The following CPEB2 variants were observed in gnomAD, a reference collection of about 807,000 sequenced individuals.
CPEB2 encodes the protein cytoplasmic polyadenylation element binding protein 2.
A neutral mutation model predicts 93.6 loss-of-function variants in CPEB2; 56 were observed. The observed-to-expected ratio is 0.60, with a 90% CI of 0.48 to 0.75. The LOEUF is 0.75. Among genes scored for constraint, CPEB2 ranks in the 30% least tolerant of loss-of-function variants. The probability of loss-of-function intolerance (pLI) is 0.00; values close to 1 mark genes in which losing one functional copy is unlikely to be tolerated. For synonymous variants in CPEB2, 764 were observed against 586.3 expected, an observed-to-expected ratio of 1.30 and a Z score of -4.38; for missense variants, 1,579 against 1,395.1, an observed-to-expected ratio of 1.13 and a Z score of -2.10.
rs1267268622 is a variant in CPEB2 at position 15,003,995 on chromosome 4, C to T, written c.1322C>T (p.Pro441Leu). Residue 441 changes from proline to leucine, a missense_variant, in exon 1 of 12, where the codon CCC (proline) becomes CTC (leucine). This residue lies in a region of CPEB2 where 1,411 missense variants were observed against 1,056.0 expected (regional missense o/e 1.34). Coordinates refer to ENST00000538197, the MANE Select transcript of CPEB2 (RefSeq NM_001177382.2). ...GGCTCGCTCAGCGCCATGCCGCCGC[C>T]CAGCCCCGACTCAGAGAACGGCTTC... Reference protein sequence around the residue: ...SGGSLSAMPPPSPDSENGFYP... With the variant: ...SGGSLSAMPPLSPDSENGFYP... 1 of 1,536,014 alleles carries T rather than the reference C, an allele frequency of 6.5e-7. No individual in the cohort carries two copies. Among genetic ancestry groups the T allele is most frequent in the Non-Finnish European group, 8.7e-7 (1 of 1,144,430 alleles).
intron 4 of CPEB2, among the ~76,000 whole-genome samples, chr4:15,031,116 T>C (rs930782094): frequency 1.3e-5 from 2 of 152,140 alleles, no homozygotes; most frequent in Non-Finnish European, 2.9e-5. Flanking sequence ...TAGCATATTT[T>C]ATTGAAATTG....
intron 4 of CPEB2, among the ~76,000 whole-genome samples, chr4:15,023,400 A>G (rs1725018159): frequency 6.6e-6 from 1 of 151,786 alleles, no homozygotes; most frequent in African/African-American, 2.4e-5. Context: ...TCCTGTTACA[A>G]AAAAAATAGT....
chr4:15,005,368 G>A (rs950038238), intron 1 of CPEB2, among the ~76,000 whole-genome samples: 5 of 152,212 alleles, frequency 3.3e-5, no homozygotes, highest in African/African-American at 1.2e-4. Context: ...TGGGCCGTGT[G>A]TATTTTAAGT....
intron 1 of CPEB2, chr4:15,005,069 C>G (rs920845624): frequency 2.0e-5 from 3 of 152,180 alleles, no homozygotes; most frequent in Non-Finnish European, 4.4e-5. Flanking sequence ...CCTGGGCCGC[C>G]GGCCCAGGAG....
chr4:15,054,260 A>C, intron 8 of CPEB2, 43 bp downstream of exon 8: 5 of 1,387,846 alleles, frequency 3.6e-6, no homozygotes, highest in Non-Finnish European at 5.1e-6. Flanking sequence ...AATTGGTTGT[A>C]TGAGAGCAAA....
intron 6 of CPEB2, among the ~76,000 whole-genome samples, chr4:15,041,411 T>C (rs149334267): frequency 0.013 from 1,908 of 152,194 alleles, 15 homozygotes; most frequent in Non-Finnish European, 0.02. Flanking sequence ...ATCACTTTTT[T>C]TTTTTTTTGA....
intron 3 of CPEB2, among the ~76,000 whole-genome samples, chr4:15,016,168 T>C (rs555935254): frequency 6.6e-6 from 1 of 152,134 alleles, no homozygotes; most frequent in African/African-American, 2.4e-5. Flanking sequence ...TGACAGTCAT[T>C]TTTTGAGAGT....
rs1335177127 is a variant in CPEB2 at position 15,008,345 on chromosome 4, C to T, written c.1952C>T (p.Ser651Phe). 6.2e-7 allele frequency: 1 copy of T among 1,612,758 alleles called. No homozygotes were observed. The highest frequency in any genetic ancestry group is 1.7e-5 in the Admixed American group (1 of 59,996). Residue 651 changes from serine to phenylalanine, a missense_variant, in exon 3 of 12, where the codon TCT (serine) becomes TTT (phenylalanine). By Grantham distance (155) the Ser-to-Phe change is radical. Transcript: ENST00000538197. ...SNTLLPLQVR[S>F]SLQLPAWGSD... ...ACTTCTATGCTATTGAAGGTGAGAT[C>T]TAGTTTGCAGTTGCCAGCTTGGGGC... is the stretch of plus-strand genomic sequence containing the variant.
intron 6 of CPEB2, among the ~76,000 whole-genome samples, chr4:15,041,369 T>G (rs891081955): frequency 2.0e-5 from 3 of 152,018 alleles, no homozygotes; most frequent in African/African-American, 7.3e-5. Flanking sequence ...CCTTAAGCCA[T>G]AGAGGATAGA....
chr4:15,034,158 G>A (rs1726383390), intron 5 of CPEB2, among the ~76,000 whole-genome samples: 2 of 152,110 alleles, frequency 1.3e-5, no homozygotes, highest in South Asian at 4.1e-4. Flanking sequence ...CATTAGATGA[G>A]GTGATTGATT....
At chr4:15,010,903 A>G (rs1382694207) in intron 3 of CPEB2, among the ~76,000 whole-genome samples, 1 of 152,168 alleles carries the variant, frequency 6.6e-6, no homozygotes, top group Admixed American at 6.5e-5. Context: ...TCAATAAATA[A>G]GAAAGAGCTA....
At position 15,003,682 on chromosome 4, in the gene CPEB2, G is replaced by A. The variant is rs1415948061; in HGVS notation, c.1009G>A (p.Gly337Ser). ...CCTGCCCGGAGGTGCGCTTGGCGCG[G>A]GCGCCTTCAGCAGCCTGCAGAGCCC... ...NLLPGGALGA[G>S]AFSSLQSPDL... The change falls in exon 1 of 12, where the codon GGC becomes AGC. Residue 337 changes from glycine (G) to serine (S), a missense_variant. Physicochemically the swap from Gly to Ser is moderately conservative, Grantham distance 56. Around this residue, in one of 2 missense-constraint regions of CPEB2, gnomAD observed 1,411 missense variants for 1,056.0 expected, o/e 1.34. Coordinates refer to ENST00000538197, the MANE Select transcript of CPEB2 (RefSeq NM_001177382.2). 2 of 1,461,946 alleles carry A rather than the reference G, an allele frequency of 1.4e-6. No homozygotes were observed. Among genetic ancestry groups the A allele is most frequent in the African/African-American group, 1.5e-5 (1 of 68,104 alleles). The allele number at this position is 1,461,946 out of a possible 1,614,324, so 90.6% of individuals were successfully genotyped here. A position where few individuals can be genotyped will look rare whatever the true frequency, so the allele number is the denominator to read the frequency against.
chr4:15,054,671 T>C (rs1019183085), intron 8 of CPEB2, among the ~76,000 whole-genome samples: 7 of 152,118 alleles, frequency 4.6e-5, no homozygotes, highest in Admixed American at 2.0e-4. Context: ...GTTAGTCAGT[T>C]ATTGCTAGGA....
chr4:15,046,607 A>G (rs1387143881), intron 6 of CPEB2, among the ~76,000 whole-genome samples: 1 of 152,156 alleles, frequency 6.6e-6, no homozygotes, highest in Non-Finnish European at 1.5e-5. Context: ...CCTGATGACT[A>G]AGGATGACAT....
At chr4:15,057,695 T>G (rs984855359) in intron 8 of CPEB2, among the ~76,000 whole-genome samples, 2 of 152,208 alleles carry the variant, frequency 1.3e-5, no homozygotes, top group Non-Finnish European at 2.9e-5. Flanking sequence ...TGTTTACAAG[T>G]CTAGATAGTC....
chr4:15,031,093 C>T (rs961066873), intron 4 of CPEB2, among the ~76,000 whole-genome samples: 4 of 152,010 alleles, frequency 2.6e-5, no homozygotes, highest in African/African-American at 9.7e-5. Flanking sequence ...CTATACATAA[C>T]TCTTTTAGCA....
chr4:15,058,334 A>C, intron 8 of CPEB2, 87 bp from the exon 9 acceptor site: 1 of 714,596 alleles, frequency 1.4e-6, no homozygotes, highest in Non-Finnish European at 2.4e-6. Context: ...TTTTTTTTTC[A>C]AAAGCATGTA....
chr4:15,020,966 A>G (rs904910992), intron 4 of CPEB2, among the ~76,000 whole-genome samples: 1 of 152,148 alleles, frequency 6.6e-6, no homozygotes, highest in African/African-American at 2.4e-5. Context: ...AATGATGGAA[A>G]AATTGGGAGA....
chr4:15,002,618 T>G lies in CPEB2; in HGVS notation c.-56T>G. Reference sequence around the variant, plus strand: ...CCGCGCAACCCCAGCGCCGGCGGCTTCCTAGGTGGGGCAGGGGACGAGGAG... The same window carrying G: ...CCGCGCAACCCCAGCGCCGGCGGCTGCCTAGGTGGGGCAGGGGACGAGGAG... On this transcript the variant is annotated 5_prime_UTR_variant, in exon 1 of 12. Transcript: ENST00000538197. 7.1e-7 allele frequency: 1 copy of G among 1,398,740 alleles called. No individual in the cohort carries two copies. Among genetic ancestry groups the G allele is most frequent in the Admixed American group, 2.7e-5 (1 of 36,956 alleles). The allele number at this position is 1,398,740 out of a possible 1,614,324, so 86.6% of individuals were successfully genotyped here. A position where few individuals can be genotyped will look rare whatever the true frequency, so the allele number is the denominator to read the frequency against.
Sources: gnomAD v4.1 joint callset for allele counts (sites outside exome capture counted in the v4.1 genomes callset) on GRCh38, gnomAD v4.1.1 for gene constraint, gnomAD v4.1.1 regional missense constraint, MANE v1.5 for transcripts, NCBI Gene and HGNC (gene_info 2026-07-23, HGNC 2026-07-21) for gene names.